Variants in RANBP2 observed in about 807,000 individuals in gnomAD.
RANBP2 encodes the protein RAN binding protein 2.
A neutral mutation model predicts 303.6 loss-of-function variants in RANBP2; 57 were observed. The ratio of observed to expected loss-of-function variants is 0.19; its 90% CI spans 0.15 to 0.23. RANBP2 has a LOEUF of 0.23. RANBP2 is among the 10% of genes least tolerant of loss of function. RANBP2 has a pLI of 1.00. For missense variants in RANBP2, 3,138 were observed against 3,780.8 expected (o/e 0.83, Z 4.46); for synonymous variants, 1,167 against 1,301.5 (o/e 0.90, Z 2.23).
At chr2:108,897,142 A>C in the RANBP2 span, 1 of 1,613,936 alleles carries the variant, frequency 6.2e-7, no homozygotes, top group African/African-American at 1.3e-5. Flanking sequence ...CCACGTTTTC[A>C]CAACAGCCTT....
the RANBP2 span, among the ~76,000 whole-genome samples, chr2:109,315,811 C>T: frequency 2.6e-5 from 4 of 152,272 alleles, no homozygotes; most frequent in Middle Eastern, 3.4e-3. Context: ...GGGACGTCGT[C>T]GCTTTTCCAC....
chr2:109,470,382 C>T, the RANBP2 span, among the ~76,000 whole-genome samples: 1 of 152,218 alleles, frequency 6.6e-6, no homozygotes, highest in Non-Finnish European at 1.5e-5. Flanking sequence ...TGGATCTCAA[C>T]AAGTCCCTGG....
the RANBP2 span, among the ~76,000 whole-genome samples, chr2:109,717,560 C>T: frequency 3.3e-5 from 5 of 151,024 alleles, no homozygotes; most frequent in African/African-American, 1.2e-4. Context: ...CCAGCCTGGG[C>T]AACAAGAGCA....
the RANBP2 span, among the ~76,000 whole-genome samples, chr2:109,199,145 G>A: frequency 6.6e-6 from 1 of 151,840 alleles, no homozygotes; most frequent in African/African-American, 2.4e-5. Flanking sequence ...GGATCACAAG[G>A]TCAGGAGATC....
At chr2:108,869,848 G>GT in the RANBP2 span, among the ~76,000 whole-genome samples, 4 of 152,062 alleles carry the variant, frequency 2.6e-5, no homozygotes, top group South Asian at 4.1e-4. Flanking sequence ...GGGAGGGGTG[G>GT]TTTTTTCAAA....
the RANBP2 span, among the ~76,000 whole-genome samples, chr2:109,114,096 C>CT: frequency 6.6e-6 from 1 of 152,082 alleles, no homozygotes; most frequent in Non-Finnish European, 1.5e-5. Context: ...CTAAAATTCT[C>CT]TTTTTTGGTT....
At chr2:109,644,676 A>G in the RANBP2 span, among the ~76,000 whole-genome samples, 1 of 152,178 alleles carries the variant, frequency 6.6e-6, no homozygotes. Flanking sequence ...GGGCATGTGA[A>G]ACACTGTTTT....
At chr2:109,026,222 G>A in the RANBP2 span, among the ~76,000 whole-genome samples, 1 of 151,134 alleles carries the variant, frequency 6.6e-6, no homozygotes, top group Admixed American at 6.6e-5. Flanking sequence ...GGTCACCTGA[G>A]CTCCTGGGCT....
the RANBP2 span, among the ~76,000 whole-genome samples, chr2:108,819,355 A>G: frequency 6.6e-6 from 1 of 152,194 alleles, no homozygotes; most frequent in Non-Finnish European, 1.5e-5. Context: ...AAACAAAATA[A>G]TGGACTGCAT....
chr2:109,398,844 C>A, the RANBP2 span: 1 of 1,613,950 alleles, frequency 6.2e-7, no homozygotes, highest in Non-Finnish European at 8.5e-7. Context: ...ACAGGCATTC[C>A]ATGGAAATTA....
At chr2:109,716,860 T>C in the RANBP2 span, among the ~76,000 whole-genome samples, 1 of 152,210 alleles carries the variant, frequency 6.6e-6, no homozygotes, top group Non-Finnish European at 1.5e-5. Context: ...AATCAGCACT[T>C]TACATAAGAT....
chr2:109,794,707 G>T, the RANBP2 span: 1 of 705,046 alleles, frequency 1.4e-6, no homozygotes, highest in Non-Finnish European at 1.7e-6. Flanking sequence ...CGGCCGGCTG[G>T]CGCAGTCCTG....
chr2:108,735,409 A>T (rs1695492126), intron 4 of RANBP2, 123 bp from the exon 5 acceptor site: 9 of 1,571,962 alleles, frequency 5.7e-6, no homozygotes, highest in Middle Eastern at 2.3e-4. Flanking sequence ...GGTATATAGG[A>T]TGGTGTTTTT....
the RANBP2 span, chr2:109,613,977 G>A: frequency 4.2e-6 from 5 of 1,200,006 alleles, no homozygotes; most frequent in Non-Finnish European, 5.2e-6. Context: ...ACAGGGGCGG[G>A]GCCGAGCTGG....
the RANBP2 span, among the ~76,000 whole-genome samples, chr2:109,291,280 CTT>C: frequency 0.016 from 2,182 of 137,156 alleles, 31 homozygotes; most frequent in African/African-American, 0.049. Context: ...AGAGTAATCT[CTT>C]TTTTTTTTTT....
chr2:109,526,207 G>A, the RANBP2 span, among the ~76,000 whole-genome samples: 2 of 152,126 alleles, frequency 1.3e-5, no homozygotes, highest in Non-Finnish European at 2.9e-5. Flanking sequence ...CCTCAAATTC[G>A]AGGCACAGGC....
the RANBP2 span, among the ~76,000 whole-genome samples, chr2:108,870,703 T>A: frequency 6.6e-6 from 1 of 152,234 alleles, no homozygotes; most frequent in Non-Finnish European, 1.5e-5. Flanking sequence ...GAAGACATTA[T>A]GCTAAATGAA....
chr2:109,078,679 C>T, the RANBP2 span, among the ~76,000 whole-genome samples: 3 of 150,600 alleles, frequency 2.0e-5, no homozygotes, highest in South Asian at 4.2e-4. Flanking sequence ...ATTCTCACCA[C>T]ACACAAAAAG....
At chr2:108,772,001 TA>T in intron 21 of RANBP2, 130 bp downstream of exon 21, 4 of 1,163,886 alleles carry the variant, frequency 3.4e-6, no homozygotes, top group Non-Finnish European at 5.0e-6. Context: ...ATATTTACCC[TA>T]AATGTATGTG....
Sources: allele counts gnomAD v4.1 joint callset (sites outside exome capture counted in the v4.1 genomes callset), GRCh38; gene constraint gnomAD v4.1.1; transcripts MANE v1.5; gene names NCBI Gene and HGNC (gene_info 2026-07-23, HGNC 2026-07-21).